Variants in PTPN22 observed in about 807,000 individuals in gnomAD.
PTPN22 encodes the protein tyrosine-protein phosphatase non-receptor type 22.
PTPN22 carries 85 observed loss-of-function variants against 103.3 expected under a neutral mutation model. That is an observed-to-expected ratio of 0.82 (90% CI 0.69 to 0.99). PTPN22 has a LOEUF of 0.99. Ranked by LOEUF, PTPN22 falls within the 50% of genes least tolerant of loss-of-function variation. PTPN22 has a pLI of 0.00. For synonymous variants in PTPN22, 323 were observed against 310.2 expected, an observed-to-expected ratio of 1.04 and a Z score of -0.43; for missense variants, 865 against 936.9, an observed-to-expected ratio of 0.92 and a Z score of 1.00.
exon 13 of PTPN22, chr1:113,837,668 A>C: frequency 1.2e-6 from 2 of 1,605,370 alleles, no homozygotes; most frequent in Non-Finnish European, 8.5e-7. Context: ...TGTGAATTGT[A>C]ATAAGAGAAG....
intron 20 of PTPN22, among the ~76,000 whole-genome samples, chr1:113,816,014 G>C (rs2101850812): frequency 6.6e-6 from 1 of 152,246 alleles, no homozygotes; most frequent in East Asian, 1.9e-4. Context: ...CTTACACTTA[G>C]CAACTTTAGG....
chr1:113,864,432 G>C (rs1192875023), intron 1 of PTPN22: 2 of 286,172 alleles, frequency 7.0e-6, no homozygotes, highest in Non-Finnish European at 6.9e-6. Context: ...AGAAAAGAAA[G>C]CTTTCTTTGA....
chr1:113,837,739 G>C, exon 13 of PTPN22: 2 of 1,613,240 alleles, frequency 1.2e-6, no homozygotes, highest in Non-Finnish European at 1.7e-6. Flanking sequence ...TTGCTTCTCA[G>C]GTAAATCAAG....
At chr1:113,858,637 C>T (rs1020671255) in intron 3 of PTPN22, 64 bp from the exon 4 acceptor site, 21 of 1,023,002 alleles carry the variant, frequency 2.1e-5, no homozygotes, top group African/African-American at 5.0e-5. Context: ...CCTAGTCCTC[C>T]GCTTCCTTTT....
intron 1 of PTPN22, among the ~76,000 whole-genome samples, chr1:113,868,242 A>G (rs912849386): frequency 1.3e-5 from 2 of 152,070 alleles, no homozygotes; most frequent in African/African-American, 4.8e-5. Context: ...ACCTGGGGAG[A>G]GGGTAAAGGG....
At chr1:113,830,069 C>A in intron 16 of PTPN22, 40 bp from the exon 17 acceptor site, 2 of 1,423,556 alleles carry the variant, frequency 1.4e-6, no homozygotes, top group South Asian at 1.2e-5. Context: ...AGAAATCCAT[C>A]AATTAAAAGT....
Position 113,829,641 on chromosome 1 carries a change from G to A in PTPN22, c.2201C>T (p.Ser734Phe). 6.2e-7 allele frequency: 1 copy of A among 1,609,864 alleles called. No individual in the cohort carries two copies. Among genetic ancestry groups the A allele is most frequent in the Non-Finnish European group, 8.5e-7 (1 of 1,178,186 alleles). ...AGGAGTCTTCAGTGTCTGTTTTGAA[G>A]ATGTTGAATTTTCCATGGTGTCAGG... The change falls in exon 18 of 21, where the codon TCT (serine) becomes TTT (phenylalanine). Residue 734 changes from serine to phenylalanine, a missense_variant. Coordinates refer to ENST00000359785, the Ensembl canonical transcript of PTPN22.
intron 2 of PTPN22, 74 bp downstream of exon 2, chr1:113,859,278 G>A: frequency 6.5e-7 from 1 of 1,547,106 alleles, no homozygotes; most frequent in Non-Finnish European, 8.9e-7. Context: ...GGATCAGTAA[G>A]CAATGGGTAC....
intron 11 of PTPN22, among the ~76,000 whole-genome samples, chr1:113,848,324 G>T (rs550958836): frequency 6.6e-6 from 1 of 152,180 alleles, no homozygotes; most frequent in South Asian, 2.1e-4. Flanking sequence ...GGGATTACAG[G>T]TGTGAGCCAC....
chr1:113,826,357 A>C (rs1275246904), intron 18 of PTPN22, among the ~76,000 whole-genome samples: 1 of 149,148 alleles, frequency 6.7e-6, no homozygotes, highest in Admixed American at 6.7e-5. Flanking sequence ...AAAGAAAGAA[A>C]GAGAAAGAGA....
chr1:113,816,191 A>G (rs1225778123), intron 20 of PTPN22, among the ~76,000 whole-genome samples: 7 of 152,076 alleles, frequency 4.6e-5, no homozygotes, highest in Admixed American at 4.6e-4. Context: ...CGAATGGGGC[A>G]GGGTGCAGTG....
exon 17 of PTPN22, chr1:113,830,009 A>G: frequency 1.2e-6 from 2 of 1,604,838 alleles, no homozygotes; most frequent in Non-Finnish European, 1.7e-6. Context: ...GGTGGGGGAG[A>G]AGAACGATCT....
intron 7 of PTPN22, 149 bp downstream of exon 7, chr1:113,856,233 A>T: frequency 8.3e-7 from 1 of 1,197,862 alleles, no homozygotes; most frequent in Non-Finnish European, 1.1e-6. Flanking sequence ...GGCCAGGCTC[A>T]AAGTTCTCTT....
chr1:113,827,771 A>T (rs1306708503), intron 18 of PTPN22, among the ~76,000 whole-genome samples: 3 of 152,144 alleles, frequency 2.0e-5, no homozygotes, highest in Non-Finnish European at 4.4e-5. Flanking sequence ...GAAGTTGGCA[A>T]CATAGGGAGA....
chr1:113,855,121 A>C, intron 7 of PTPN22, 72 bp from the exon 8 acceptor site: 2 of 1,342,782 alleles, frequency 1.5e-6, no homozygotes, highest in Non-Finnish European at 2.1e-6. Flanking sequence ...TATTATGCTC[A>C]CTACCTGGGT....
intron 18 of PTPN22, 134 bp downstream of exon 18, chr1:113,829,458 T>A: frequency 1.9e-6 from 1 of 513,062 alleles, no homozygotes; most frequent in South Asian, 3.6e-5. Context: ...TCTATTAATT[T>A]TGACTGTTAT....
At chr1:113,820,352 G>T (rs1242160341) in intron 19 of PTPN22, among the ~76,000 whole-genome samples, 2 of 152,054 alleles carry the variant, frequency 1.3e-5, no homozygotes, top group East Asian at 3.9e-4. Flanking sequence ...CAGCTACTTG[G>T]GAGGCTGAGG....
At chr1:113,869,669 A>G (rs1261400789) in intron 1 of PTPN22, among the ~76,000 whole-genome samples, 1 of 152,148 alleles carries the variant, frequency 6.6e-6, no homozygotes, top group Non-Finnish European at 1.5e-5. Flanking sequence ...TGCTGGGTTT[A>G]CAGGTGTGAG....
chr1:113,834,365 C>A, exon 15 of PTPN22: 1 of 1,613,900 alleles, frequency 6.2e-7, no homozygotes, highest in Middle Eastern at 1.6e-4. Flanking sequence ...GATGTTCCAC[C>A]CCATTCCAGT....
Sources: allele counts gnomAD v4.1 joint callset (sites outside exome capture counted in the v4.1 genomes callset), GRCh38; gene constraint gnomAD v4.1.1; transcripts MANE v1.5; gene names NCBI Gene and HGNC (gene_info 2026-07-23, HGNC 2026-07-21).